XRCC4: variants seen among roughly 807,000 people sequenced by gnomAD.
The protein encoded by XRCC4 is DNA repair protein XRCC4.
A neutral mutation model predicts 39.1 loss-of-function variants in XRCC4; 28 were observed. The observed-to-expected ratio is 0.72, with a 90% confidence interval of 0.53 to 0.98. The LOEUF is 0.98. Ranked by LOEUF, XRCC4 falls within the 50% of genes least tolerant of loss-of-function variation. XRCC4 has a pLI of 0.00. For synonymous variants in XRCC4, 123 were observed against 126.4 expected (o/e 0.97, Z 0.18); for missense variants, 350 against 376.4 (o/e 0.93, Z 0.58).
chr5:83,372,514 G>A, the XRCC4 span, among the ~76,000 whole-genome samples: 1 of 152,096 alleles, frequency 6.6e-6, no homozygotes, highest in Non-Finnish European at 1.5e-5. Context: ...ACCCCTGGGG[G>A]TAGCAGAATT....
intron 7 of XRCC4, among the ~76,000 whole-genome samples, chr5:83,298,738 A>T (rs1012984072): frequency 6.6e-6 from 1 of 151,900 alleles, no homozygotes; most frequent in Non-Finnish European, 1.5e-5. Context: ...CTACTCTTAA[A>T]TTACAACATG....
At chr5:83,144,084 G>A (rs1748315792) in intron 3 of XRCC4, among the ~76,000 whole-genome samples, 2 of 151,884 alleles carry the variant, frequency 1.3e-5, no homozygotes, top group African/African-American at 4.8e-5. Flanking sequence ...AGTCTCAGAT[G>A]TTCATTATAT....
Position 83,163,526 on chromosome 5 carries a change from G to A in XRCC4, c.316-32244G>A, listed in dbSNP as rs556215643. 1.6e-4 allele frequency among the ~76,000 whole-genome samples: 25 copies of A among 152,240 alleles called. 1 individual carries two copies. In the South Asian group the frequency reaches 4.1e-3, roughly 25 times the overall value. ...GACAGAGCACTGTAAACAAAATAAA[G>A]CATTAAAATTTAGATAAATTCAGGG... On this transcript the variant is annotated intron_variant, in intron 3 of 7. Coordinates refer to ENST00000396027, the MANE Select transcript of XRCC4 (RefSeq NM_003401.5).
At chr5:83,141,593 A>G (rs1466901043) in intron 3 of XRCC4, among the ~76,000 whole-genome samples, 4 of 151,738 alleles carry the variant, frequency 2.6e-5, no homozygotes, top group Admixed American at 2.6e-4. Flanking sequence ...TCTAAAGGTC[A>G]TTTCTGTGTC....
chr5:83,271,673 A>G (rs1162183047), intron 7 of XRCC4, among the ~76,000 whole-genome samples: 2 of 152,214 alleles, frequency 1.3e-5, no homozygotes, highest in Non-Finnish European at 2.9e-5. Flanking sequence ...TGTTGAGTAC[A>G]TAAAATTTAT....
intron 7 of XRCC4, among the ~76,000 whole-genome samples, chr5:83,272,791 G>T (rs998019828): frequency 6.6e-6 from 1 of 152,172 alleles, no homozygotes; most frequent in African/African-American, 2.4e-5. Context: ...ATTCCATGGT[G>T]TATATGTGCC....
chr5:83,138,014 C>A (rs549865642), intron 3 of XRCC4, among the ~76,000 whole-genome samples: 2 of 152,250 alleles, frequency 1.3e-5, no homozygotes, highest in East Asian at 3.9e-4. Flanking sequence ...TATTTCTCAG[C>A]AAACATTTAT....
intron 6 of XRCC4, among the ~76,000 whole-genome samples, chr5:83,249,835 A>G (rs1215187181): frequency 3.3e-5 from 5 of 152,136 alleles, no homozygotes; most frequent in Non-Finnish European, 7.4e-5. Flanking sequence ...ACTGCAGGTA[A>G]TATGCTGGTA....
chr5:83,121,127 CT>C (rs1746989256), intron 3 of XRCC4, among the ~76,000 whole-genome samples: 1 of 152,064 alleles, frequency 6.6e-6, no homozygotes, highest in Non-Finnish European at 1.5e-5. Flanking sequence ...ATAATTTATT[CT>C]TTTTTTCCTG....
At chr5:83,099,481 G>T (rs1745824373) in intron 1 of XRCC4, among the ~76,000 whole-genome samples, 1 of 152,176 alleles carries the variant, frequency 6.6e-6, no homozygotes, top group Non-Finnish European at 1.5e-5. Context: ...TTTAAAAAGT[G>T]TCTTGTTTAT....
chr5:83,197,648 A>G (rs984855187), intron 4 of XRCC4, among the ~76,000 whole-genome samples: 1 of 152,112 alleles, frequency 6.6e-6, no homozygotes, highest in African/African-American at 2.4e-5. Context: ...TTGATTTGCT[A>G]TTTCTGGACT....
At chr5:83,357,967 C>A (rs2112247322), downstream of XRCC4, among the ~76,000 whole-genome samples, 1 of 152,056 alleles carries the variant, frequency 6.6e-6, no homozygotes, top group African/African-American at 2.4e-5. Flanking sequence ...ACAAGAAATC[C>A]CAAAAATAGG....
At chr5:83,362,123 T>C in the XRCC4 span, among the ~76,000 whole-genome samples, 1 of 152,010 alleles carries the variant, frequency 6.6e-6, no homozygotes, top group Non-Finnish European at 1.5e-5. Context: ...TCATCACACT[T>C]GCAATGTCAT....
rs1470758744 is a variant in XRCC4, at chr5:83,353,157, C to T, written c.920C>T (p.Ser307Phe). The T allele has an allele frequency of 1.2e-6, 2 of 1,611,188 alleles. No individual in the cohort carries two copies. The highest frequency in any genetic ancestry group is 2.7e-5 in the African/African-American group (2 of 74,642). The change falls in exon 8 of 8, where the codon TCT becomes TTT. Residue 307 changes from serine (S) to phenylalanine (F), a missense_variant. By Grantham distance (155) the Ser-to-Phe change is radical. Coordinates refer to ENST00000396027, the MANE Select transcript of XRCC4 (RefSeq NM_003401.5). Reference sequence around the variant, plus strand: ...CCTGATTCTTCACTACCTGAGACGTCTAAAAAGGAGCACATCTCAGCTGAA... The same window carrying T: ...CCTGATTCTTCACTACCTGAGACGTTTAAAAAGGAGCACATCTCAGCTGAA... ...EKPDSSLPETSKKEHISAENM... is the reference protein window; with the variant it reads ...EKPDSSLPETFKKEHISAENM...
intron 6 of XRCC4, among the ~76,000 whole-genome samples, chr5:83,216,429 A>G (rs532834309): frequency 4.3e-4 from 66 of 152,322 alleles, no homozygotes; most frequent in African/African-American, 1.6e-3. Flanking sequence ...TAAAATACAT[A>G]CTTACCCTAT....
At chr5:83,166,962 G>A (rs1749511083) in intron 3 of XRCC4, among the ~76,000 whole-genome samples, 1 of 151,686 alleles carries the variant, frequency 6.6e-6, no homozygotes, top group South Asian at 2.1e-4. Context: ...GCTCACTGCA[G>A]CATCTGCCTC....
chr5:83,349,357 G>C (rs1757013397), intron 7 of XRCC4, among the ~76,000 whole-genome samples: 1 of 152,128 alleles, frequency 6.6e-6, no homozygotes. Flanking sequence ...ATGCTTTTCA[G>C]AATTTACAAA....
At chr5:83,360,005 A>G in the XRCC4 span, among the ~76,000 whole-genome samples, 1 of 152,146 alleles carries the variant, frequency 6.6e-6, no homozygotes, top group Non-Finnish European at 1.5e-5. Flanking sequence ...CGGCAACAGC[A>G]TAGTACTATA....
At chr5:83,196,017 T>G in intron 4 of XRCC4, 81 bp downstream of exon 4, 1 of 1,390,424 alleles carries the variant, frequency 7.2e-7, no homozygotes, top group Non-Finnish European at 9.6e-7. Flanking sequence ...GATTGGTAAA[T>G]TTCCAATATA....
Sources: gnomAD v4.1 joint callset for allele counts (sites outside exome capture counted in the v4.1 genomes callset) on GRCh38, gnomAD v4.1.1 for gene constraint, MANE v1.5 for transcripts, NCBI Gene and HGNC (gene_info 2026-07-23, HGNC 2026-07-21) for gene names.